The following RUSC2 variants were observed in gnomAD, a reference collection of about 807,000 sequenced individuals.
The protein encoded by RUSC2 is AP-4 complex accessory subunit RUSC2.
Under a neutral mutation model 122.2 loss-of-function variants are expected in RUSC2, and 34 were observed. The ratio of observed to expected loss-of-function variants is 0.28; its 90% CI spans 0.21 to 0.37. The LOEUF is 0.37. Among genes scored for constraint, RUSC2 ranks in the 10% least tolerant of loss-of-function variants. The pLI, the probability that RUSC2 is intolerant of heterozygous loss-of-function variation, is 1.00. For missense variants in RUSC2, 1,747 were observed against 1,952.4 expected, an observed-to-expected ratio of 0.89 and a Z score of 1.98; for synonymous variants, 784 against 790.0, an observed-to-expected ratio of 0.99 and a Z score of 0.13.
intron 1 of RUSC2, among the ~76,000 whole-genome samples, chr9:35,542,450 AT>A (rs1821659467): frequency 6.6e-6 from 1 of 152,224 alleles, no homozygotes; most frequent in Non-Finnish European, 1.5e-5. Context: ...AATTTAATAA[AT>A]TAAAAACTAT....
intron 2 of RUSC2, among the ~76,000 whole-genome samples, chr9:35,551,437 G>A (rs10814252): frequency 0.18 from 27,834 of 152,070 alleles, 2,712 homozygotes; most frequent in East Asian, 0.33. Context: ...GGCATGGGAG[G>A]GAGATCTCTA....
intron 2 of RUSC2, among the ~76,000 whole-genome samples, chr9:35,554,767 A>AAG (rs1158943681): frequency 1.4e-4 from 22 of 152,324 alleles, no homozygotes; most frequent in African/African-American, 5.3e-4. Context: ...TCAAGAAATA[A>AAG]AGTGTAAGGT....
chr9:35,552,457 G>A (rs1821919997), intron 2 of RUSC2, among the ~76,000 whole-genome samples: 1 of 152,230 alleles, frequency 6.6e-6, no homozygotes, highest in African/African-American at 2.4e-5. Flanking sequence ...GGATCTTACT[G>A]AATCTTGAAA....
rs1476718693 is a variant in RUSC2 at position 35,513,919 on chromosome 9, T to TATAC, written c.-93+23750_-93+23751insCATA. 1.2e-4 allele frequency among the ~76,000 whole-genome samples: 17 copies of TATAC among 143,850 alleles called. 1 individual carries two copies. The highest frequency in any genetic ancestry group is 1.8e-4 in the Non-Finnish European group (12 of 65,994). 94.4% of individuals were successfully genotyped at this position (143,850 alleles called of 152,430 possible). A position where few individuals can be genotyped will look rare whatever the true frequency, so the allele number is the denominator to read the frequency against. ...TTCAACAAACATATATATATATATA[T>TATAC]ATATATATATATATATATATTACTT... On this transcript the variant is annotated intron_variant, in intron 1 of 11. Coordinates refer to ENST00000361226, the MANE Select transcript of RUSC2 (RefSeq NM_014806.5).
rs1821742897 is a variant in RUSC2, at chr9:35,546,281, GCCTATTGGGCTGT to G, written c.-92-148_-92-136del. ...AGAAAGCATGGTTACGTCCCCACCTGCCTATTGGGCTGTGTGGTCAAGCTCCATCTTGACTCAA... is the reference window on the plus strand; with the variant it reads ...AGAAAGCATGGTTACGTCCCCACCTGGTGGTCAAGCTCCATCTTGACTCAA... On this transcript the variant is annotated intron_variant, in intron 1 of 11. Coordinates refer to ENST00000361226, the MANE Select transcript of RUSC2 (RefSeq NM_014806.5). This position sits in a 1 kb window ranked among gnomAD's most constrained non-coding sequence, Gnocchi z 4.3. The G allele has an allele frequency of 1.1e-5, 4 of 352,010 alleles. No homozygotes were observed. The highest frequency in any genetic ancestry group is 2.1e-5 in the African/African-American group (1 of 47,778). The allele number at this position is 352,010 out of a possible 1,614,324, so 21.8% of individuals were successfully genotyped here.
intron 1 of RUSC2, among the ~76,000 whole-genome samples, chr9:35,535,384 A>G (rs1303419770): frequency 4.0e-5 from 6 of 149,642 alleles, no homozygotes; most frequent in African/African-American, 9.8e-5. Context: ...CCAAAGTGCT[A>G]GGATTACAGG....
At chr9:35,559,888 T>G in intron 9 of RUSC2, 141 bp from the exon 10 acceptor site, 1 of 706,276 alleles carries the variant, frequency 1.4e-6, no homozygotes, top group Non-Finnish European at 2.4e-6. Flanking sequence ...GCAGCAGCGT[T>G]TATACTTAGT....
At chr9:35,535,534 C>G (rs912752275) in intron 1 of RUSC2, among the ~76,000 whole-genome samples, 1 of 130,122 alleles carries the variant, frequency 7.7e-6, no homozygotes, top group Non-Finnish European at 1.6e-5. Flanking sequence ...AGGAGCTTCT[C>G]TTTTTTTTTT....
At chr9:35,526,748 TG>T in intron 1 of RUSC2, among the ~76,000 whole-genome samples, 1 of 152,276 alleles carries the variant, frequency 6.6e-6, no homozygotes, top group South Asian at 2.1e-4. Context: ...CACTGCAGCC[TG>T]GGCAAAAGAG....
chr9:35,535,112 T>C (rs1821495437), intron 1 of RUSC2, among the ~76,000 whole-genome samples: 1 of 152,132 alleles, frequency 6.6e-6, no homozygotes, highest in Admixed American at 6.5e-5. Flanking sequence ...ACTTCTTTGT[T>C]GCCTAAGCTT....
At chr9:35,559,924 C>T (rs60593272) in intron 9 of RUSC2, 105 bp from the exon 10 acceptor site, 1 of 932,736 alleles carries the variant, frequency 1.1e-6, no homozygotes. Flanking sequence ...AGTGCACAGC[C>T]TGCACCGCTG....
chr9:35,509,122 G>A (rs533965889), intron 1 of RUSC2, among the ~76,000 whole-genome samples: 19 of 152,122 alleles, frequency 1.2e-4, no homozygotes, highest in African/African-American at 4.1e-4. Context: ...GGCTAAGGCC[G>A]GATCACTTGA....
intron 1 of RUSC2, among the ~76,000 whole-genome samples, chr9:35,505,844 A>G (rs992598473): frequency 2.8e-4 from 43 of 152,314 alleles, no homozygotes; most frequent in Admixed American, 9.2e-4. Context: ...AACTTCCTCA[A>G]CCTGACAAAG....
At chr9:35,500,292 T>C (rs1009348197) in intron 1 of RUSC2, among the ~76,000 whole-genome samples, 1 of 152,058 alleles carries the variant, frequency 6.6e-6, no homozygotes, top group Non-Finnish European at 1.5e-5. Flanking sequence ...AGAGAGCTTG[T>C]GCAGGGAAAC....
chr9:35,521,380 G>C (rs542089968), intron 1 of RUSC2, among the ~76,000 whole-genome samples: 3 of 152,278 alleles, frequency 2.0e-5, no homozygotes, highest in African/African-American at 7.2e-5. Flanking sequence ...TGAGCATAGA[G>C]ACCCTAGGGG....
At position 35,548,339 on chromosome 9, in the gene RUSC2, G is replaced by A. The variant is rs752415800; in HGVS notation, c.1818G>A (p.Met606Ile). The change falls in exon 2 of 12, where the codon ATG becomes ATA. Residue 606 changes from methionine (M) to isoleucine (I), a missense_variant. Physicochemically the swap from Met to Ile is conservative, Grantham distance 10. Coordinates refer to ENST00000361226, the MANE Select transcript of RUSC2 (RefSeq NM_014806.5). The surrounding 1 kb of genome is among the most constrained non-coding windows in gnomAD (Gnocchi z 4.5). ...CACCCATGCCTTTGGGGCCAGGCAT[G>A]GACCTACTTGGCCCAGACCCAAGTC... ...SLPPMPLGPG[M>I]DLLGPDPSPP... 2 of 1,614,024 alleles carry A rather than the reference G, an allele frequency of 1.2e-6. No individual in the cohort carries two copies. Among genetic ancestry groups the A allele is most frequent in the East Asian group, 4.5e-5 (2 of 44,872 alleles).
At chr9:35,522,639 C>T (rs1821238147) in intron 1 of RUSC2, among the ~76,000 whole-genome samples, 1 of 152,160 alleles carries the variant, frequency 6.6e-6, no homozygotes, top group South Asian at 2.1e-4. Flanking sequence ...ATGCTTGTGG[C>T]TTGATTGCTT....
chr9:35,555,030 A>G lies in RUSC2; in HGVS notation c.2015-30A>G, dbSNP rs1178838157. ...CTCATATGGGTTTCAGTGTCTGTCT[A>G]CTGATTTCTTCTCCATCCCTTTGCT... On this transcript the variant is annotated intron_variant, in intron 2 of 11. Coordinates refer to ENST00000361226, the MANE Select transcript of RUSC2 (RefSeq NM_014806.5). The surrounding 1 kb of genome is among the most constrained non-coding windows in gnomAD (Gnocchi z 4.6). 1.9e-6 allele frequency: 3 copies of G among 1,605,676 alleles called. No homozygotes were observed. Among genetic ancestry groups the G allele is most frequent in the African/African-American group, 1.3e-5 (1 of 74,656 alleles).
intron 1 of RUSC2, among the ~76,000 whole-genome samples, chr9:35,536,380 G>T (rs1336135182): frequency 1.3e-5 from 2 of 152,316 alleles, no homozygotes; most frequent in East Asian, 3.9e-4. Flanking sequence ...TCTGGGTCTG[G>T]TAGGTTTGGA....
Sources: allele counts gnomAD v4.1 joint callset (sites outside exome capture counted in the v4.1 genomes callset), GRCh38; gene constraint gnomAD v4.1.1; non-coding constraint Gnocchi (gnomAD v3.1); transcripts MANE v1.5; gene names NCBI Gene and HGNC (gene_info 2026-07-23, HGNC 2026-07-21).